CSMD1: variants seen among roughly 807,000 people sequenced by gnomAD.
The protein encoded by CSMD1 is CUB and sushi domain-containing protein 1.
CSMD1 carries 213 observed loss-of-function variants against 417.5 expected under a neutral mutation model. That is an observed-to-expected ratio of 0.51 (90% CI 0.46 to 0.57). CSMD1 has a LOEUF of 0.57. Ranked by LOEUF, CSMD1 falls within the 20% of genes least tolerant of loss-of-function variation. The pLI is 0.00. For missense variants in CSMD1, 6,923 were observed against 4,529.7 expected, an observed-to-expected ratio of 1.53 and a Z score of -15.17; for synonymous variants, 2,862 against 1,736.8, an observed-to-expected ratio of 1.65 and a Z score of -16.11.
chr8:4,459,733 G>A (rs533803160), intron 2 of CSMD1, among the ~76,000 whole-genome samples: 7 of 152,246 alleles, frequency 4.6e-5, no homozygotes, highest in Admixed American at 2.0e-4. Flanking sequence ...GCAATCAGGT[G>A]GAAATTTATT....
chr8:4,438,004 C>A (rs937259276), intron 2 of CSMD1, among the ~76,000 whole-genome samples: 7 of 152,092 alleles, frequency 4.6e-5, no homozygotes, highest in Non-Finnish European at 8.8e-5. Context: ...GTGGTCTGAT[C>A]TGCATTTAAA....
At chr8:3,475,632 C>A (rs567971888) in intron 11 of CSMD1, among the ~76,000 whole-genome samples, 22 of 152,290 alleles carry the variant, frequency 1.4e-4, no homozygotes, top group South Asian at 1.0e-3. Flanking sequence ...ACCTAAAATT[C>A]TGTGATCTTT....
intron 3 of CSMD1, among the ~76,000 whole-genome samples, chr8:4,114,517 A>G (rs1802029038): frequency 6.6e-6 from 1 of 151,922 alleles, no homozygotes; most frequent in South Asian, 2.1e-4. Flanking sequence ...TCTGCAGCCC[A>G]TGGATCAAGG....
intron 3 of CSMD1, among the ~76,000 whole-genome samples, chr8:4,416,164 A>C (rs1167508047): frequency 6.6e-6 from 1 of 152,196 alleles, no homozygotes. Context: ...GCAAGTAGTG[A>C]TTCTAGTTAA....
rs143805589 is a variant in CSMD1 at position 4,811,871 on chromosome 8, C to T, written c.86-174313G>A. Among the ~76,000 whole-genome samples the T allele has an allele frequency of 6.6e-5, 10 of 152,094 alleles. No homozygotes were observed. In the East Asian group the frequency reaches 1.7e-3, roughly 26 times the overall value. On this transcript the variant is annotated intron_variant, in intron 1 of 69. Transcript: ENST00000635120. ...GACAGTGAAATCAGTGCCACAGCTG[C>T]CTCAAATCATAGAACTGTTCCCTAA...
intron 5 of CSMD1, among the ~76,000 whole-genome samples, chr8:3,924,138 A>G (rs990221883): frequency 6.6e-6 from 1 of 152,186 alleles, no homozygotes; most frequent in Non-Finnish European, 1.5e-5. Context: ...CTCTCCATTT[A>G]TGAAGGACAG....
At chr8:4,161,537 T>A (rs1389911573) in intron 3 of CSMD1, among the ~76,000 whole-genome samples, 1 of 152,212 alleles carries the variant, frequency 6.6e-6, no homozygotes, top group Non-Finnish European at 1.5e-5. Flanking sequence ...AAGTCCACTG[T>A]GCACCTCCTA....
At chr8:4,331,499 C>T (rs1444535282) in intron 3 of CSMD1, among the ~76,000 whole-genome samples, 2 of 152,120 alleles carry the variant, frequency 1.3e-5, no homozygotes, top group African/African-American at 2.4e-5. Flanking sequence ...GTAATTCAAA[C>T]ATGTTTCAGT....
At chr8:3,099,658 G>C (rs1255214881) in intron 46 of CSMD1, among the ~76,000 whole-genome samples, 1 of 152,176 alleles carries the variant, frequency 6.6e-6, no homozygotes, top group Non-Finnish European at 1.5e-5. Flanking sequence ...TTACTGAGTT[G>C]CTAAAATCCA....
chr8:3,831,468 A>G (rs142672651), intron 5 of CSMD1, among the ~76,000 whole-genome samples: 83 of 152,320 alleles, frequency 5.4e-4, no homozygotes, highest in African/African-American at 1.7e-3. Flanking sequence ...CCTTATAAAC[A>G]TGATATTGAG....
chr8:3,305,595 G>A (rs1283640055), intron 25 of CSMD1, among the ~76,000 whole-genome samples: 2 of 151,528 alleles, frequency 1.3e-5, no homozygotes, highest in Admixed American at 6.6e-5. Context: ...CTCTCACCAT[G>A]TGGACTCATC....
At chr8:3,392,867 A>G (rs1324267566) in intron 17 of CSMD1, among the ~76,000 whole-genome samples, 1 of 152,156 alleles carries the variant, frequency 6.6e-6, no homozygotes, top group Non-Finnish European at 1.5e-5. Flanking sequence ...CCACAGAAAT[A>G]GCAACCAGAA....
intron 3 of CSMD1, among the ~76,000 whole-genome samples, chr8:4,415,708 T>C (rs1282554804): frequency 6.6e-6 from 1 of 152,204 alleles, no homozygotes; most frequent in East Asian, 1.9e-4. Context: ...ATTAAATAAA[T>C]GAGAGAAGAA....
chr8:4,861,799 C>A (rs915909119), intron 1 of CSMD1, among the ~76,000 whole-genome samples: 1 of 151,782 alleles, frequency 6.6e-6, no homozygotes, highest in African/African-American at 2.4e-5. Context: ...ACTTTTTGCT[C>A]AAAATTTATT....
chr8:3,922,691 T>C (rs1189968285), intron 5 of CSMD1, among the ~76,000 whole-genome samples: 2 of 152,220 alleles, frequency 1.3e-5, no homozygotes, highest in Admixed American at 1.3e-4. Flanking sequence ...ATCTGTATTT[T>C]ATGTTGTTGA....
intron 5 of CSMD1, among the ~76,000 whole-genome samples, chr8:3,811,259 G>C (rs961398426): frequency 2.6e-5 from 4 of 152,298 alleles, no homozygotes; most frequent in Admixed American, 6.5e-5. Flanking sequence ...GAAACTTAGA[G>C]AGCAATTACC....
chr8:4,518,059 T>G (rs907386667), intron 2 of CSMD1, among the ~76,000 whole-genome samples: 3 of 152,192 alleles, frequency 2.0e-5, no homozygotes, highest in African/African-American at 7.2e-5. Context: ...CGGAAAGGTT[T>G]ATTAAGATTT....
At chr8:3,107,134 GA>G (rs1182452434) in intron 45 of CSMD1, 4 of 154,650 alleles carry the variant, frequency 2.6e-5, no homozygotes, top group Non-Finnish European at 5.7e-5. Context: ...AACTGGGGCT[GA>G]AAAATCCTGG....
rs1796251954 is a variant in CSMD1, at chr8:3,188,925, T to C, written c.5485A>G (p.Ile1829Val). 2 of 1,607,040 alleles carry C rather than the reference T, an allele frequency of 1.2e-6. No homozygotes were observed. Among genetic ancestry groups the C allele is most frequent in the African/African-American group, 1.3e-5 (1 of 74,962 alleles). ...CCCTCCGTAACTATGATCTTCCATATACAGTTCAAGTTGTTTCCGTATGGC... is the reference window on the plus strand; with the variant it reads ...CCCTCCGTAACTATGATCTTCCATACACAGTTCAAGTTGTTTCCGTATGGC... ...PEPYGNNLNC[I>V]WKIIVTEGSG... Residue 1829 changes from isoleucine to valine, a missense_variant, in exon 35 of 70, where the codon ATA (isoleucine) becomes GTA (valine). By Grantham distance (29) the Ile-to-Val change is conservative (BLOSUM62 3). Coordinates refer to ENST00000635120, the MANE Select transcript of CSMD1 (RefSeq NM_033225.6).
Sources: allele counts gnomAD v4.1 joint callset (sites outside exome capture counted in the v4.1 genomes callset), GRCh38; gene constraint gnomAD v4.1.1; transcripts MANE v1.5; gene names NCBI Gene and HGNC (gene_info 2026-07-23, HGNC 2026-07-21).